Variants in MICU2 observed in about 807,000 individuals in gnomAD.
The protein encoded by MICU2 is mitochondrial calcium uptake 2, also known as calcium uptake protein 2, mitochondrial.
Under a neutral mutation model 60.4 loss-of-function variants are expected in MICU2, and 64 were observed. That is an observed-to-expected ratio of 1.06 (90% CI 0.87 to 1.31). The LOEUF (loss-of-function observed/expected upper bound fraction) is 1.31. Among genes scored for constraint, MICU2 ranks in the 50% most tolerant of loss-of-function variants. MICU2 has a pLI of 0.00. For missense variants in MICU2, 569 were observed against 531.0 expected, an observed-to-expected ratio of 1.07 and a Z score of -0.70; for synonymous variants, 201 against 175.0, an observed-to-expected ratio of 1.15 and a Z score of -1.17.
intron 5 of MICU2, among the ~76,000 whole-genome samples, chr13:21,522,026 G>T (rs544239865): frequency 6.6e-6 from 1 of 152,212 alleles, no homozygotes; most frequent in Non-Finnish European, 1.5e-5. Context: ...CTAAAGTGCT[G>T]GGGTGAGCCC....
chr13:21,536,297 T>C (rs1479517874), intron 4 of MICU2, among the ~76,000 whole-genome samples: 3 of 152,078 alleles, frequency 2.0e-5, no homozygotes, highest in Non-Finnish European at 2.9e-5. Flanking sequence ...TTCTTCTCCA[T>C]GGAGTGTTAT....
intron 2 of MICU2, among the ~76,000 whole-genome samples, chr13:21,564,826 T>C (rs1383960643): frequency 6.6e-6 from 1 of 152,202 alleles, no homozygotes; most frequent in Non-Finnish European, 1.5e-5. Flanking sequence ...GCAGAGTTCC[T>C]CAAGGTAAAA....
At chr13:21,510,760 C>T (rs1384039915) in intron 7 of MICU2, among the ~76,000 whole-genome samples, 4 of 151,468 alleles carry the variant, frequency 2.6e-5, no homozygotes, top group Non-Finnish European at 5.9e-5. Context: ...CCTACCACCA[C>T]CCCGACCCCG....
intron 8 of MICU2, among the ~76,000 whole-genome samples, chr13:21,506,916 A>C (rs768490018): frequency 2.0e-5 from 3 of 152,240 alleles, no homozygotes; most frequent in African/African-American, 7.2e-5. Flanking sequence ...AAAATATTAC[A>C]TATGAAACCA....
rs753714727 is a variant in MICU2 at position 21,510,130 on chromosome 13, T to C, written c.664-29A>G. On this transcript the variant is annotated intron_variant, in intron 7 of 11. Transcript: ENST00000382374. Reference sequence around the variant, plus strand: ...TTAAAAAAATCACAATAATTTAAAATAATTATAAATAAGAATAAAAATAGA... The same window carrying C: ...TTAAAAAAATCACAATAATTTAAAACAATTATAAATAAGAATAAAAATAGA... 17 of 1,103,370 alleles carry C rather than the reference T, an allele frequency of 1.5e-5. No homozygotes were observed. The African/African-American group carries it at 2.8e-4, about 18-fold the overall frequency. 68.3% of individuals were successfully genotyped at this position (1,103,370 alleles called of 1,614,324 possible).
chr13:21,534,407 A>C (rs929284166), intron 4 of MICU2, among the ~76,000 whole-genome samples: 7 of 151,980 alleles, frequency 4.6e-5, no homozygotes, highest in African/African-American at 1.7e-4. Context: ...GGGTCTCCCT[A>C]TGTTGCCTAG....
intron 4 of MICU2, among the ~76,000 whole-genome samples, chr13:21,530,442 C>T (rs1001226719): frequency 1.4e-5 from 2 of 138,914 alleles, no homozygotes; most frequent in South Asian, 2.4e-4. Context: ...CCCAATCATC[C>T]GAAATACTGG....
chr13:21,562,318 A>C (rs955067337), intron 2 of MICU2, among the ~76,000 whole-genome samples: 1 of 152,184 alleles, frequency 6.6e-6, no homozygotes, highest in African/African-American at 2.4e-5. Context: ...ACTAGTTTAC[A>C]GTCCCACCAA....
chr13:21,593,847 G>A (rs1421624818), intron 1 of MICU2, among the ~76,000 whole-genome samples: 1 of 152,098 alleles, frequency 6.6e-6, no homozygotes, highest in Non-Finnish European at 1.5e-5. Flanking sequence ...AACAGAAACT[G>A]GACGCCTTCC....
chr13:21,504,246 T>C (rs148644805), intron 8 of MICU2, among the ~76,000 whole-genome samples: 91 of 152,270 alleles, frequency 6.0e-4, no homozygotes, highest in African/African-American at 2.1e-3. Flanking sequence ...TTTCCTGCCC[T>C]GTATACTGTA....
At chr13:21,519,502 T>A (rs1593323107) in intron 6 of MICU2, among the ~76,000 whole-genome samples, 1 of 152,360 alleles carries the variant, frequency 6.6e-6, no homozygotes, top group East Asian at 1.9e-4. Flanking sequence ...CTCAGGTTCA[T>A]TCGTTGGCTT....
intron 2 of MICU2, among the ~76,000 whole-genome samples, chr13:21,542,876 T>TATTG (rs1887317454): frequency 6.6e-6 from 1 of 152,212 alleles, no homozygotes; most frequent in Non-Finnish European, 1.5e-5. Context: ...ACACATTAAG[T>TATTG]GTTCTTATAG....
At chr13:21,520,973 C>A (rs1886703824) in intron 6 of MICU2, among the ~76,000 whole-genome samples, 1 of 152,058 alleles carries the variant, frequency 6.6e-6, no homozygotes, top group South Asian at 2.1e-4. Flanking sequence ...TGAAACTCTT[C>A]TTACCATATT....
chr13:21,564,107 TTAA>T (rs1370377134), intron 2 of MICU2, among the ~76,000 whole-genome samples: 3 of 152,254 alleles, frequency 2.0e-5, no homozygotes, highest in Admixed American at 6.5e-5. Context: ...CCTTAGCATA[TTAA>T]TGTTATTTTA....
chr13:21,514,202 G>C, intron 7 of MICU2, 151 bp downstream of exon 7: 1 of 597,658 alleles, frequency 1.7e-6, no homozygotes, highest in South Asian at 2.3e-5. Context: ...TATGCAGTCT[G>C]TTGTTGACTG....
At chr13:21,602,408 G>C (rs1376786864) in intron 1 of MICU2, among the ~76,000 whole-genome samples, 1 of 152,178 alleles carries the variant, frequency 6.6e-6, no homozygotes, top group Non-Finnish European at 1.5e-5. Context: ...TGTAGTCCCA[G>C]CTACTCGGGA....
At chr13:21,566,041 T>G (rs901232080) in intron 2 of MICU2, among the ~76,000 whole-genome samples, 1 of 152,214 alleles carries the variant, frequency 6.6e-6, no homozygotes, top group Non-Finnish European at 1.5e-5. Flanking sequence ...GATCACTGAA[T>G]TTATTGTCCC....
intron 1 of MICU2, among the ~76,000 whole-genome samples, chr13:21,574,501 C>T (rs1888180569): frequency 6.6e-6 from 1 of 152,216 alleles, no homozygotes; most frequent in Admixed American, 6.5e-5. Context: ...AAACATTTCA[C>T]TAGTTTATTG....
chr13:21,598,016 C>T (rs961003796), intron 1 of MICU2, among the ~76,000 whole-genome samples: 3 of 149,234 alleles, frequency 2.0e-5, no homozygotes, highest in Non-Finnish European at 4.5e-5. Flanking sequence ...AAGACTTTTA[C>T]GTATTTATAA....
Sources: gnomAD v4.1 joint callset for allele counts (sites outside exome capture counted in the v4.1 genomes callset) on GRCh38, gnomAD v4.1.1 for gene constraint, MANE v1.5 for transcripts, NCBI Gene and HGNC (gene_info 2026-07-23, HGNC 2026-07-21) for gene names.